ZC2HC1C: variants seen among roughly 807,000 people sequenced by gnomAD.
The protein encoded by ZC2HC1C is zinc finger C2HC domain-containing protein 1C.
Under a neutral mutation model 39.2 loss-of-function variants are expected in ZC2HC1C, and 25 were observed. The ratio of observed to expected loss-of-function variants is 0.64; its 90% CI spans 0.47 to 0.89. The LOEUF (loss-of-function observed/expected upper bound fraction) is 0.89. Ranked by LOEUF, ZC2HC1C falls within the 40% of genes least tolerant of loss-of-function variation. The pLI is 0.00. For synonymous variants in ZC2HC1C, 209 were observed against 214.4 expected, an observed-to-expected ratio of 0.97 and a Z score of 0.22; for missense variants, 519 against 548.6, an observed-to-expected ratio of 0.95 and a Z score of 0.54.
chr14:75,070,417 T>C, intron 1 of ZC2HC1C, 138 bp from the exon 2 acceptor site: 2 of 1,023,966 alleles, frequency 2.0e-6, no homozygotes, highest in Non-Finnish European at 1.4e-6. Flanking sequence ...AAGGGAAGCT[T>C]TGGCAGGTCC....
At chr14:75,073,009 TTTTCA>T (rs1247207929) in intron 2 of ZC2HC1C, among the ~76,000 whole-genome samples, 2 of 152,186 alleles carry the variant, frequency 1.3e-5, no homozygotes, top group African/African-American at 4.8e-5. Context: ...TGTCATTCTG[TTTTCA>T]TTTCTTCCCA....
In ZC2HC1C at chr14:75,078,979, A is replaced by G. The variant is rs1893789919; in HGVS notation, c.*1415A>G. On this transcript the variant is annotated 3_prime_UTR_variant, in exon 3 of 3. Transcript: ENST00000524913. ...GAGAACTGATAAGTTAATGTCTGCGAGAGTATTATCAGTTCAGATAGGAGT... is the reference window on the plus strand; with the variant it reads ...GAGAACTGATAAGTTAATGTCTGCGGGAGTATTATCAGTTCAGATAGGAGT... The G allele has an allele frequency of 6.6e-6, 1 of 152,308 alleles. No homozygotes were observed. Among genetic ancestry groups the G allele is most frequent in the Admixed American group, 6.5e-5 (1 of 15,300 alleles). 9.4% of individuals were successfully genotyped at this position (152,308 alleles called of 1,614,324 possible). A position where few individuals can be genotyped will look rare whatever the true frequency, so the allele number is the denominator to read the frequency against.
rs542274885 is a variant in ZC2HC1C, at chr14:75,072,724, G to T, written c.1338+813G>T. ...GGTTGTGCCACTTGGTTTATAAAATGGTTATTTCTCAAGGTGTGGCATGCT... is the reference window on the plus strand; with the variant it reads ...GGTTGTGCCACTTGGTTTATAAAATTGTTATTTCTCAAGGTGTGGCATGCT... On this transcript the variant is annotated intron_variant, in intron 2 of 2. Transcript: ENST00000524913. 3.0e-4 allele frequency among the ~76,000 whole-genome samples: 45 copies of T among 152,260 alleles called. 1 individual carries two copies. Among genetic ancestry groups the T allele is most frequent in the South Asian group, 1.5e-3 (7 of 4,822 alleles).
At chr14:75,073,753 A>G (rs569705003) in intron 2 of ZC2HC1C, 18 of 527,442 alleles carry the variant, frequency 3.4e-5, no homozygotes, top group African/African-American at 2.6e-4. Flanking sequence ...TTTGTGCTTA[A>G]TAAGTGTTAA....
intron 2 of ZC2HC1C, among the ~76,000 whole-genome samples, chr14:75,074,563 CTGTTTTTTTTTGTTTTGTTT>C (rs1381467667): frequency 6.6e-6 from 1 of 151,658 alleles, no homozygotes; most frequent in Non-Finnish European, 1.5e-5. Flanking sequence ...TCTACATTAC[CTGTTTTTTTTTGTTTTGTTT>C]TGTTTTTTTT....
chr14:75,076,964 T>G (rs1893700149), intron 2 of ZC2HC1C, among the ~76,000 whole-genome samples: 1 of 152,222 alleles, frequency 6.6e-6, no homozygotes, highest in Non-Finnish European at 1.5e-5. Context: ...TGGACTGTTC[T>G]GTGTATCCAG....
rs759570636 is a variant in ZC2HC1C, at chr14:75,070,919, TG to T, written c.348del (p.Trp116CysfsTer26). On this transcript the variant is annotated frameshift_variant, in exon 2 of 3. Transcript: ENST00000524913. LOFTEE classifies it high-confidence loss of function. ...GLFYSSGPQS[W>X]YPKANNQDFI... ...GTTTTACTCGTCAGGCCCTCAATCCTGGTATCCCAAAGCCAATAACCAGGAC... is the reference window on the plus strand; with the variant it reads ...GTTTTACTCGTCAGGCCCTCAATCCTGTATCCCAAAGCCAATAACCAGGAC... 90 of 1,614,190 alleles carry T rather than the reference TG, an allele frequency of 5.6e-5. 1 individual carries two copies. In the East Asian group the frequency reaches 6.0e-4, roughly 11 times the overall value.
At chr14:75,072,998 G>A (rs1024869611) in intron 2 of ZC2HC1C, among the ~76,000 whole-genome samples, 2 of 152,202 alleles carry the variant, frequency 1.3e-5, no homozygotes, top group African/African-American at 4.8e-5. Context: ...GAATAAGAGA[G>A]TGTCATTCTG....
intron 2 of ZC2HC1C, among the ~76,000 whole-genome samples, chr14:75,075,838 C>G (rs899622344): frequency 6.6e-6 from 1 of 152,166 alleles, no homozygotes; most frequent in Non-Finnish European, 1.5e-5. Flanking sequence ...AGGTGGATCA[C>G]CTGATCTCAT....
intron 2 of ZC2HC1C, among the ~76,000 whole-genome samples, chr14:75,075,929 C>T (rs146239484): frequency 0.016 from 2,496 of 152,102 alleles, 37 homozygotes; most frequent in African/African-American, 0.035. Flanking sequence ...TGGTGGCGCA[C>T]GCCTGTAGTC....
Position 75,071,720 on chromosome 14 carries a change from A to G in ZC2HC1C, c.1147A>G (p.Ile383Val), listed in dbSNP as rs376082650. The G allele has an allele frequency of 1.1e-4, 178 of 1,614,098 alleles. No homozygotes were observed. The highest frequency in any genetic ancestry group is 1.5e-4 in the Non-Finnish European group (174 of 1,180,040). The stretch of plus-strand genomic sequence containing the variant: ...AGACTCCTCAGGTTCCAGCGGCTCC[A>G]TTGAAGAGCCACAGCTGGGTGAGTG... ...APDSSGSSGS[I>V]EEPQLGECSH... The change falls in exon 2 of 3, where the codon ATT (isoleucine) becomes GTT (valine). Residue 383 changes from isoleucine to valine, a missense_variant. Coordinates refer to ENST00000524913, the MANE Select transcript of ZC2HC1C (RefSeq NM_024643.4).
chr14:75,075,343 C>G (rs908369775), intron 2 of ZC2HC1C, among the ~76,000 whole-genome samples: 1 of 152,178 alleles, frequency 6.6e-6, no homozygotes, highest in Non-Finnish European at 1.5e-5. Flanking sequence ...TTGTTGGGTC[C>G]TCTGTTTCCA....
intron 2 of ZC2HC1C, among the ~76,000 whole-genome samples, chr14:75,076,400 C>G (rs1478011163): frequency 6.6e-6 from 1 of 152,148 alleles, no homozygotes; most frequent in Non-Finnish European, 1.5e-5. Flanking sequence ...TCCTGAATAG[C>G]TGGGACTACA....
At chr14:75,074,881 A>C (rs553139437) in intron 2 of ZC2HC1C, among the ~76,000 whole-genome samples, 2 of 152,188 alleles carry the variant, frequency 1.3e-5, no homozygotes, top group African/African-American at 4.8e-5. Context: ...CTACCTGGTA[A>C]CTTCTTATGG....
rs1331047397 is a variant in ZC2HC1C at position 75,079,864 on chromosome 14, A to T, written c.*2300A>T. On this transcript the variant is annotated 3_prime_UTR_variant, in exon 3 of 3. Coordinates refer to ENST00000524913, the MANE Select transcript of ZC2HC1C (RefSeq NM_024643.4). ...CTTGGATTTGGGATCGCTGGATGTT[A>T]GTAAGGTCATAGATCCGGGCCCTCC... 1.3e-5 allele frequency: 2 copies of T among 152,220 alleles called. No individual in the cohort carries two copies. Among genetic ancestry groups the T allele is most frequent in the Non-Finnish European group, 2.9e-5 (2 of 68,054 alleles). The allele number at this position is 152,220 out of a possible 1,614,324, so 9.4% of individuals were successfully genotyped here.
At chr14:75,074,428 G>C (rs561472151) in intron 2 of ZC2HC1C, among the ~76,000 whole-genome samples, 7 of 152,188 alleles carry the variant, frequency 4.6e-5, no homozygotes, top group African/African-American at 1.7e-4. Flanking sequence ...ATGTAGTACT[G>C]AATGACCTAT....
Position 75,071,453 on chromosome 14 carries a change from G to A in ZC2HC1C, c.880G>A (p.Glu294Lys), listed in dbSNP as rs1376998057. The change falls in exon 2 of 3, where the codon GAA (glutamate) becomes AAA (lysine). Residue 294 changes from glutamate (E) to lysine (K), a missense_variant. Physicochemically the swap from Glu to Lys is moderately conservative, Grantham distance 56. Transcript: ENST00000524913. Reference protein sequence around the residue: ...PIFSPEFEFEEEFSRDRREDE... With the variant: ...PIFSPEFEFEKEFSRDRREDE... The stretch of plus-strand genomic sequence containing the variant: ...CTTCTCCCCAGAATTTGAGTTTGAG[G>A]AAGAATTTAGTAGAGACAGGAGAGA... 3.1e-6 allele frequency: 5 copies of A among 1,614,022 alleles called. No homozygotes were observed. The highest frequency in any genetic ancestry group is 4.2e-6 in the Non-Finnish European group (5 of 1,180,056).
chr14:75,074,448 C>A (rs1483458162), intron 2 of ZC2HC1C, among the ~76,000 whole-genome samples: 2 of 152,188 alleles, frequency 1.3e-5, no homozygotes, highest in Admixed American at 6.5e-5. Flanking sequence ...TAATGGAACC[C>A]CTAATTCAGC....
intron 2 of ZC2HC1C, among the ~76,000 whole-genome samples, chr14:75,075,479 G>T (rs175495): frequency 0.85 from 129,956 of 152,152 alleles, 57,118 homozygotes; most frequent in East Asian, 0.99. Context: ...CCCATTTGAT[G>T]ATTTGGCTAG....
Sources: gnomAD v4.1 joint callset for allele counts (sites outside exome capture counted in the v4.1 genomes callset) on GRCh38, gnomAD v4.1.1 for gene constraint, MANE v1.5 for transcripts, NCBI Gene and HGNC (gene_info 2026-07-23, HGNC 2026-07-21) for gene names.